Variants in THRAP3 observed in about 807,000 individuals in gnomAD.
The protein encoded by THRAP3 is thyroid hormone receptor associated protein 3, also known as thyroid hormone receptor-associated protein 3.
In THRAP3, 16 loss-of-function variants were observed where a neutral mutation model predicts 101.0. The observed-to-expected ratio is 0.16, with a 90% CI of 0.11 to 0.24. The LOEUF (loss-of-function observed/expected upper bound fraction) is 0.24, where lower values mean the gene tolerates loss of function less well. Among genes scored for constraint, THRAP3 ranks in the 10% least tolerant of loss-of-function variants. The pLI is 1.00. For synonymous variants in THRAP3, 407 were observed against 422.6 expected, an observed-to-expected ratio of 0.96 and a Z score of 0.45; for missense variants, 989 against 1,202.7, an observed-to-expected ratio of 0.82 and a Z score of 2.63.
chr1:36,236,059 C>A (rs1237770411), intron 1 of THRAP3, among the ~76,000 whole-genome samples: 10 of 151,184 alleles, frequency 6.6e-5, no homozygotes, highest in African/African-American at 2.4e-4. Flanking sequence ...CCAGCCTGGC[C>A]AACATAGTGA....
At position 36,262,205 on chromosome 1, in the gene THRAP3, C is replaced by T. The variant is rs149632115; in HGVS notation, c.-32+2721C>T. 7.5e-4 allele frequency among the ~76,000 whole-genome samples: 114 copies of T among 152,108 alleles called. 2 individuals are homozygous for T. In the East Asian group the frequency reaches 0.013, roughly 18 times the overall value. On this transcript the variant is annotated intron_variant, in intron 2 of 11. Transcript: ENST00000354618. ...GAGATATTTTACTTTCTGTTTATACCAAGCCTTAGAAATCCCATGTTTATT... is the reference window on the plus strand; with the variant it reads ...GAGATATTTTACTTTCTGTTTATACTAAGCCTTAGAAATCCCATGTTTATT...
intron 6 of THRAP3, 138 bp downstream of exon 6, chr1:36,291,684 A>T: frequency 1.1e-6 from 1 of 872,228 alleles, no homozygotes; most frequent in Non-Finnish European, 1.7e-6. Flanking sequence ...CTTGAAGGAA[A>T]TTCCATTCAA....
intron 1 of THRAP3, among the ~76,000 whole-genome samples, chr1:36,226,126 G>A (rs1644959065): frequency 6.6e-6 from 1 of 152,062 alleles, no homozygotes; most frequent in Non-Finnish European, 1.5e-5. Flanking sequence ...GGTTTAGCCT[G>A]CAAAATATGG....
chr1:36,286,944 A>C lies in THRAP3; in HGVS notation c.714A>C (p.Ala238=), dbSNP rs370852424. ...YGTGSASRAS[A]VSELSPRERS... is the part of the protein sequence containing the mutation. ...CTGGTTCTGCATCACGGGCCTCAGC[A>C]GTTTCTGAGCTGAGTCCTCGGGAGC... is the stretch of plus-strand genomic sequence containing the variant. The change falls in exon 4 of 12, where the codon GCA becomes GCC. Residue 238 remains alanine (A), a synonymous_variant. Coordinates refer to ENST00000354618, the MANE Select transcript of THRAP3 (RefSeq NM_005119.4). This position sits in a 1 kb window ranked among gnomAD's most constrained non-coding sequence, Gnocchi z 5.5. 39 of 1,614,142 alleles carry C rather than the reference A, an allele frequency of 2.4e-5. No individual in the cohort carries two copies. The highest frequency in any genetic ancestry group is 3.1e-5 in the Non-Finnish European group (36 of 1,180,050).
rs1557461629 is a variant in THRAP3 at position 36,301,612 on chromosome 1, C to T, written c.2562C>T (p.Asn854=). ...GCAACTACTCTGGGAACAATAACAA[C>T]AACAGCAACAACGATTTTCAAAAAA... is the stretch of plus-strand genomic sequence containing the variant. ...GRGNYSGNNN[N]NSNNDFQKRN... The change falls in exon 11 of 12, where the codon AAC becomes AAT. Residue 854 remains asparagine, a synonymous_variant. Transcript: ENST00000354618. 1 of 1,614,120 alleles carries T rather than the reference C, an allele frequency of 6.2e-7. No individual in the cohort carries two copies. The highest frequency in any genetic ancestry group is 2.2e-5 in the East Asian group (1 of 44,888).
At chr1:36,269,099 G>C (rs1645555512) in intron 2 of THRAP3, among the ~76,000 whole-genome samples, 1 of 139,154 alleles carries the variant, frequency 7.2e-6, no homozygotes, top group Non-Finnish European at 1.6e-5. Flanking sequence ...CTTGACAAGA[G>C]CTAAGGACCA....
chr1:36,292,435 T>G (rs1472906020), intron 6 of THRAP3, among the ~76,000 whole-genome samples, 163 bp from the exon 7 acceptor site: 2 of 151,340 alleles, frequency 1.3e-5, no homozygotes, highest in Non-Finnish European at 3.0e-5. Context: ...CCATGCCCAC[T>G]AGTTTTTTGT....
rs905948825 is a variant in THRAP3, at chr1:36,303,663, G to A, written c.2647-133G>A. The A allele has an allele frequency of 2.9e-5, 40 of 1,366,626 alleles. No individual in the cohort carries two copies. In the African/African-American group the frequency reaches 5.4e-4, roughly 18 times the overall value. The allele number at this position is 1,366,626 out of a possible 1,614,324, so 84.7% of individuals were successfully genotyped here. A position where few individuals can be genotyped will look rare whatever the true frequency, so the allele number is the denominator to read the frequency against. ...TTTGGAGTGGGGGACAGGGAGAAGT[G>A]CAGAAAAGGATCAAAAGGCTGGGTT... On this transcript the variant is annotated intron_variant, in intron 11 of 11. Coordinates refer to ENST00000354618, the MANE Select transcript of THRAP3 (RefSeq NM_005119.4).
rs34587417 is a variant in THRAP3 at position 36,282,235 on chromosome 1, C to CT, written c.-31-284dup. 1.6e-3 allele frequency among the ~76,000 whole-genome samples: 226 copies of CT among 137,350 alleles called. 1 individual carries two copies. Among genetic ancestry groups the CT allele is most frequent in the African/African-American group, 4.4e-3 (169 of 38,358 alleles). The allele number at this position is 137,350 out of a possible 152,430, so 90.1% of individuals were successfully genotyped here. ...GCCACCGTGCTCAGCCACTTTCTCT[C>CT]TTTTTTTTTTTTTTGGAGATAGGGT... On this transcript the variant is annotated intron_variant, in intron 2 of 11. Coordinates refer to ENST00000354618, the MANE Select transcript of THRAP3 (RefSeq NM_005119.4).
chr1:36,259,974 G>A (rs1249014783), intron 2 of THRAP3, among the ~76,000 whole-genome samples: 1 of 152,114 alleles, frequency 6.6e-6, no homozygotes, highest in Non-Finnish European at 1.5e-5. Flanking sequence ...CAGGCGTGGT[G>A]GCTCCTGACT....
Position 36,297,535 on chromosome 1 carries a change from G to A in THRAP3, c.2303+765G>A, listed in dbSNP as rs575665442. On this transcript the variant is annotated intron_variant, in intron 9 of 11. Transcript: ENST00000354618. Reference sequence around the variant, plus strand: ...GCAATCTCAGCTCACTGCAACCTCCGCCTCGCGGGTTCAAGCAATTCTCCT... The same window carrying A: ...GCAATCTCAGCTCACTGCAACCTCCACCTCGCGGGTTCAAGCAATTCTCCT... Among the ~76,000 whole-genome samples, 17 of 142,132 alleles carry A rather than the reference G, an allele frequency of 1.2e-4. No individual in the cohort carries two copies. In the East Asian group the frequency reaches 3.1e-3, roughly 26 times the overall value. The allele number at this position is 142,132 out of a possible 152,430, so 93.2% of individuals were successfully genotyped here.
At chr1:36,215,447 T>C in the THRAP3 span, among the ~76,000 whole-genome samples, 2 of 152,196 alleles carry the variant, frequency 1.3e-5, no homozygotes, top group South Asian at 4.1e-4. Context: ...CCCTGTGTTT[T>C]TCCTTCTGTC....
intron 1 of THRAP3, among the ~76,000 whole-genome samples, chr1:36,253,887 G>C (rs1272757695): frequency 6.6e-6 from 1 of 150,972 alleles, no homozygotes; most frequent in African/African-American, 2.4e-5. Flanking sequence ...TTACAGATGT[G>C]AGCTACTGTG....
rs58306701 is a variant in THRAP3 at position 36,253,760 on chromosome 1, A to ATTTTTTTTTTTTTTTTTTTTTTTTT, written c.-134-5603_-134-5602insTTTTTTTTTTTTTTTTTTTTTTTTT. 1.9e-4 allele frequency among the ~76,000 whole-genome samples: 19 copies of ATTTTTTTTTTTTTTTTTTTTTTTTT among 100,212 alleles called. 1 individual carries two copies. Among genetic ancestry groups the ATTTTTTTTTTTTTTTTTTTTTTTTT allele is most frequent in the East Asian group, 9.0e-4 (3 of 3,330 alleles). 65.7% of individuals were successfully genotyped at this position (100,212 alleles called of 152,430 possible). A position where few individuals can be genotyped will look rare whatever the true frequency, so the allele number is the denominator to read the frequency against. Reference sequence around the variant, plus strand: ...AGGCGTACACCATTGAGTCAGGCTAATTTTTTTTTTTTTTTTTTTAGTTTT... The same window carrying ATTTTTTTTTTTTTTTTTTTTTTTTT: ...AGGCGTACACCATTGAGTCAGGCTAATTTTTTTTTTTTTTTTTTTTTTTTTTTTTTTTTTTTTTTTTTTTAGTTTT... On this transcript the variant is annotated intron_variant, in intron 1 of 11. Coordinates refer to ENST00000354618, the MANE Select transcript of THRAP3 (RefSeq NM_005119.4).
Position 36,304,173 on chromosome 1 carries a change from C to G in THRAP3, c.*156C>G. 8.4e-7 allele frequency: 1 copy of G among 1,188,626 alleles called. No individual in the cohort carries two copies. The highest frequency in any genetic ancestry group is 1.6e-5 in the African/African-American group (1 of 63,802). 73.6% of individuals were successfully genotyped at this position (1,188,626 alleles called of 1,614,324 possible). A position where few individuals can be genotyped will look rare whatever the true frequency, so the allele number is the denominator to read the frequency against. ...GTACTACCGCGAGAGGCATCCCTGG[C>G]GCTGTCTCCCACTGGACAGAGGAGG... On this transcript the variant is annotated 3_prime_UTR_variant, in exon 12 of 12. Transcript: ENST00000354618.
intron 2 of THRAP3, among the ~76,000 whole-genome samples, chr1:36,263,191 C>T (rs1340534728): frequency 7.4e-6 from 1 of 134,560 alleles, no homozygotes; most frequent in Non-Finnish European, 1.6e-5. Context: ...CCTTGACCTC[C>T]CAGGCTCAGG....
chr1:36,217,785 T>TA, the THRAP3 span, among the ~76,000 whole-genome samples: 1 of 152,134 alleles, frequency 6.6e-6, no homozygotes, highest in Admixed American at 6.6e-5. Context: ...GTGGTAAACT[T>TA]AGTAAGTGTT....
chr1:36,274,779 C>T (rs926736220), intron 2 of THRAP3, among the ~76,000 whole-genome samples: 4 of 150,976 alleles, frequency 2.6e-5, no homozygotes, highest in East Asian at 2.0e-4. Flanking sequence ...ATTATAGGCA[C>T]GCGCCATCAC....
intron 1 of THRAP3, among the ~76,000 whole-genome samples, chr1:36,237,677 C>T (rs1645107437): frequency 6.6e-6 from 1 of 150,918 alleles, no homozygotes; most frequent in Non-Finnish European, 1.5e-5. Flanking sequence ...AGTCTGAGGC[C>T]GGAGAATTGC....
Sources: allele counts gnomAD v4.1 joint callset (sites outside exome capture counted in the v4.1 genomes callset), GRCh38; gene constraint gnomAD v4.1.1; non-coding constraint Gnocchi (gnomAD v3.1); transcripts MANE v1.5; gene names NCBI Gene and HGNC (gene_info 2026-07-23, HGNC 2026-07-21).